CEP350: variants seen among roughly 807,000 people sequenced by gnomAD.
CEP350 encodes centrosomal protein 350.
In CEP350, 126 loss-of-function variants were observed where a neutral mutation model predicts 331.8. That is an observed-to-expected ratio of 0.38 (90% CI 0.33 to 0.44). The LOEUF (loss-of-function observed/expected upper bound fraction) is 0.44. Among genes scored for constraint, CEP350 ranks in the 20% least tolerant of loss-of-function variants. CEP350 has a pLI of 1.00. For missense variants in CEP350, 3,406 were observed against 3,634.6 expected (o/e 0.94, Z 1.62); for synonymous variants, 1,200 against 1,259.5 (o/e 0.95, Z 1.00).
At chr1:180,027,391 T>C (rs1053286824) in intron 14 of CEP350, among the ~76,000 whole-genome samples, 2 of 152,154 alleles carry the variant, frequency 1.3e-5, no homozygotes, top group African/African-American at 4.8e-5. Context: ...TTTTGTTTTG[T>C]TTTTTGAGAT....
At chr1:179,971,688 T>C (rs1651466595) in intron 1 of CEP350, among the ~76,000 whole-genome samples, 1 of 152,184 alleles carries the variant, frequency 6.6e-6, no homozygotes, top group Non-Finnish European at 1.5e-5. Flanking sequence ...TGAGTGGCAT[T>C]GTTTGACATT....
intron 4 of CEP350, among the ~76,000 whole-genome samples, chr1:179,991,505 G>A (rs895959197): frequency 6.6e-6 from 1 of 151,204 alleles, no homozygotes; most frequent in Non-Finnish European, 1.5e-5. Context: ...GGTCAGGCTG[G>A]TCTCAAACTC....
At chr1:180,080,387 C>T in intron 29 of CEP350, 130 bp from the exon 30 acceptor site, 3 of 763,476 alleles carry the variant, frequency 3.9e-6, no homozygotes, top group Non-Finnish European at 4.0e-6. Context: ...AAACTTTTTT[C>T]ACTTATGTCT....
intron 1 of CEP350, among the ~76,000 whole-genome samples, chr1:179,959,781 T>C (rs1001389689): frequency 1.3e-5 from 2 of 152,066 alleles, no homozygotes; most frequent in Non-Finnish European, 2.9e-5. Context: ...AAAAAAACTT[T>C]TGTTGGCAGA....
chr1:180,083,862 A>G (rs1251571703), intron 30 of CEP350, among the ~76,000 whole-genome samples, 156 bp from the exon 31 acceptor site: 1 of 152,144 alleles, frequency 6.6e-6, no homozygotes, highest in African/African-American at 2.4e-5. Context: ...ATAGGGATAC[A>G]TTTTAGTAAT....
In CEP350 at chr1:180,043,166, G is replaced by C. The variant is rs746551629; in HGVS notation, c.4473G>C (p.Gln1491His). 2 of 1,613,552 alleles carry C rather than the reference G, an allele frequency of 1.2e-6. No homozygotes were observed. The highest frequency in any genetic ancestry group is 1.7e-6 in the Non-Finnish European group (2 of 1,179,642). ...QRQHLPDFVK[Q>H]LRTRTETDRK... ...AGCACCTTCCAGACTTTGTGAAACAGCTGAGGACCAGAACTGAAACAGATA... is the reference window on the plus strand; with the variant it reads ...AGCACCTTCCAGACTTTGTGAAACACCTGAGGACCAGAACTGAAACAGATA... Residue 1491 changes from glutamine (Q) to histidine (H), a missense_variant, in exon 20 of 38, where the codon CAG becomes CAC. Gln to His is a conservative substitution (Grantham distance 24). Transcript: ENST00000367607.
chr1:180,014,516 T>C lies in CEP350; in HGVS notation c.2052+11T>C. On this transcript the variant is annotated intron_variant, in intron 10 of 37. Coordinates refer to ENST00000367607, the MANE Select transcript of CEP350 (RefSeq NM_014810.5). ...ACGCAGGAAACACAGGTAATAGTAG[T>C]GACATATACAAAGGAGAGTCATTCA... 1 of 1,578,124 alleles carries C rather than the reference T, an allele frequency of 6.3e-7. No individual in the cohort carries two copies. Among genetic ancestry groups the C allele is most frequent in the Non-Finnish European group, 8.6e-7 (1 of 1,166,270 alleles).
chr1:179,997,528 A>T (rs574133457), intron 6 of CEP350, among the ~76,000 whole-genome samples: 1 of 148,560 alleles, frequency 6.7e-6, no homozygotes, highest in African/African-American at 2.5e-5. Context: ...GGGGCGACAG[A>T]GTGAGACTCG....
In CEP350 at chr1:180,094,010, A is replaced by G; in HGVS notation, c.7905A>G (p.Ile2635Met). The G allele has an allele frequency of 2.5e-6, 4 of 1,613,886 alleles. No homozygotes were observed. The highest frequency in any genetic ancestry group is 3.4e-6 in the Non-Finnish European group (4 of 1,179,804). Residue 2635 changes from isoleucine to methionine, a missense_variant, in exon 34 of 38, where the codon ATA becomes ATG. Physicochemically the swap from Ile to Met is conservative, Grantham distance 10 (BLOSUM62 1). This residue lies in a region of CEP350 where 1,415 missense variants were observed against 1,512.3 expected (regional missense o/e 0.94). Transcript: ENST00000367607. ...TTAATAGAAGTAGAAGCCTTAAAAT[A>G]GAAACAGACAATGTACAGGACATTT... ...ASVNRSRSLK[I>M]ETDNVQDISG...
At position 180,113,684 on chromosome 1, in the gene CEP350, G is replaced by A. The variant is rs752683087; in HGVS notation, c.*2523G>A. 3 of 150,438 alleles carry A rather than the reference G, an allele frequency of 2.0e-5. No individual in the cohort carries two copies. Among genetic ancestry groups the A allele is most frequent in the South Asian group, 2.1e-4 (1 of 4,718 alleles). The allele number at this position is 150,438 out of a possible 1,614,324, so 9.3% of individuals were successfully genotyped here. ...GATAGATGTGGATACCCAGCCACTC[G>A]TTCCATATTGGTATCTTTTTAAATC... On this transcript the variant is annotated 3_prime_UTR_variant, in exon 38 of 38. Coordinates refer to ENST00000367607, the MANE Select transcript of CEP350 (RefSeq NM_014810.5).
At position 180,098,911 on chromosome 1, in the gene CEP350, C is replaced by A. The variant is rs1558159984; in HGVS notation, c.9115C>A (p.Pro3039Thr). ...VLKLFSLKKEPNHKTDWQKMM... is the reference protein window; with the variant it reads ...VLKLFSLKKETNHKTDWQKMM... ...CAAGTTGTTCAGTCTTAAAAAGGAG[C>A]CAAACCACAAAACAGATTGGCAGAA... is the stretch of plus-strand genomic sequence containing the variant. The change falls in exon 37 of 38, where the codon CCA becomes ACA. Residue 3039 changes from proline to threonine, a missense_variant. Transcript: ENST00000367607. 3 of 1,613,214 alleles carry A rather than the reference C, an allele frequency of 1.9e-6. No homozygotes were observed. Among genetic ancestry groups the A allele is most frequent in the East Asian group, 4.5e-5 (2 of 44,808 alleles).
intron 16 of CEP350, among the ~76,000 whole-genome samples, chr1:180,036,650 C>T (rs1190889721): frequency 6.6e-6 from 1 of 152,174 alleles, no homozygotes; most frequent in Non-Finnish European, 1.5e-5. Flanking sequence ...AGACATAATG[C>T]TATTGCACAC....
rs115009207 is a variant in CEP350 at position 180,016,340 on chromosome 1, T to A, written c.2174+370T>A. On this transcript the variant is annotated intron_variant, in intron 11 of 37. Transcript: ENST00000367607. ...CTACTGCTATTTAAAATTTCTTATG[T>A]GTAAGAACAATTTAGCCATTGTACT... Among the ~76,000 whole-genome samples, 978 of 152,350 alleles carry A rather than the reference T, an allele frequency of 6.4e-3. 4 individuals carry two copies. The highest frequency in any genetic ancestry group is 7.9e-3 in the South Asian group (38 of 4,822).
In CEP350 at chr1:180,006,122, A is replaced by C. The variant is rs530065958; in HGVS notation, c.1133-332A>C. On this transcript the variant is annotated intron_variant, in intron 7 of 37. Transcript: ENST00000367607. ...GAAATAGGAATCTGTGAGAGTGCTC[A>C]CCTCTGAGATCCTATAAAATGCAAT... Among the ~76,000 whole-genome samples the C allele has an allele frequency of 2.0e-5, 3 of 152,278 alleles. No homozygotes were observed. The South Asian group carries it at 6.2e-4, about 32-fold the overall frequency.
rs763891465 is a variant in CEP350 at position 180,033,958 on chromosome 1, T to G, written c.3822T>G (p.Ser1274=). 1.2e-6 allele frequency: 2 copies of G among 1,613,924 alleles called. No homozygotes were observed. Among genetic ancestry groups the G allele is most frequent in the South Asian group, 2.2e-5 (2 of 91,080 alleles). Residue 1274 remains serine (S), a synonymous_variant, in exon 16 of 38, where the codon TCT becomes TCG. Transcript: ENST00000367607. ...TGCAGTTTGACGTTGCAGGAACTTC[T>G]TCAGAAAGATCTAAGTCGTCAGTAA... The part of the protein sequence containing the change: ...KSLQFDVAGT[S]SERSKSSVMP...
At chr1:180,002,857 G>A (rs908520145) in intron 6 of CEP350, among the ~76,000 whole-genome samples, 1 of 152,144 alleles carries the variant, frequency 6.6e-6, no homozygotes, top group African/African-American at 2.4e-5. Flanking sequence ...GACACATGTT[G>A]TATGATTTGG....
intron 8 of CEP350, among the ~76,000 whole-genome samples, chr1:180,007,145 A>T (rs1654318973): frequency 6.6e-6 from 1 of 152,216 alleles, no homozygotes; most frequent in Non-Finnish European, 1.5e-5. Context: ...TTCCTGAGTC[A>T]AATGGTATTT....
rs61826348 is a variant in CEP350, at chr1:180,072,735, A to G, written c.5568-2287A>G. Reference sequence around the variant, plus strand: ...AGACATTAAAATAGTCTGTTGTCTAAAAATACACATAGGCAAGATTATACA... The same window carrying G: ...AGACATTAAAATAGTCTGTTGTCTAGAAATACACATAGGCAAGATTATACA... On this transcript the variant is annotated intron_variant, in intron 27 of 37. Transcript: ENST00000367607. Among the ~76,000 whole-genome samples the G allele has an allele frequency of 1.2e-3, 179 of 152,304 alleles. 2 individuals are homozygous for G. The highest frequency in any genetic ancestry group is 2.0e-3 in the Non-Finnish European group (137 of 68,000).
At chr1:180,062,813 C>G (rs1000224858) in intron 26 of CEP350, among the ~76,000 whole-genome samples, 4 of 152,174 alleles carry the variant, frequency 2.6e-5, no homozygotes, top group Admixed American at 2.6e-4. Flanking sequence ...CTCTCAAATA[C>G]CATAGTCTGA....
Sources: gnomAD v4.1 joint callset for allele counts (sites outside exome capture counted in the v4.1 genomes callset) on GRCh38, gnomAD v4.1.1 for gene constraint, gnomAD v4.1.1 regional missense constraint, MANE v1.5 for transcripts, NCBI Gene and HGNC (gene_info 2026-07-23, HGNC 2026-07-21) for gene names.